TENM4: variants seen among roughly 807,000 people sequenced by gnomAD.
TENM4 encodes the protein teneurin transmembrane protein 4, also known as teneurin-4.
TENM4 carries 82 observed loss-of-function variants against 243.3 expected under a neutral mutation model. The observed-to-expected ratio is 0.34, with a 90% CI of 0.28 to 0.40. The LOEUF (loss-of-function observed/expected upper bound fraction) is 0.40. Among genes scored for constraint, TENM4 ranks in the 10% least tolerant of loss-of-function variants. The pLI is 1.00. For missense variants in TENM4, 3,138 were observed against 3,673.3 expected (o/e 0.85, Z 3.77); for synonymous variants, 1,412 against 1,456.3 (o/e 0.97, Z 0.69).
At chr11:79,012,477 C>G (rs1858671318) in intron 6 of TENM4, among the ~76,000 whole-genome samples, 1 of 152,128 alleles carries the variant, frequency 6.6e-6, no homozygotes, top group Admixed American at 6.5e-5. Flanking sequence ...ACCCTGAGCC[C>G]AGGAGAGTAC....
chr11:79,389,491 T>C (rs1858186138), intron 1 of TENM4, among the ~76,000 whole-genome samples: 1 of 152,084 alleles, frequency 6.6e-6, no homozygotes, highest in South Asian at 2.1e-4. Context: ...AGGCCCCGAG[T>C]CCCATCATCA....
At chr11:79,188,405 A>G (rs1423764011) in intron 3 of TENM4, among the ~76,000 whole-genome samples, 2 of 152,150 alleles carry the variant, frequency 1.3e-5, no homozygotes, top group African/African-American at 4.8e-5. Context: ...AAACTCACTC[A>G]CAGACTCTGC....
At position 79,094,033 on chromosome 11, in the gene TENM4, G is replaced by C. The variant is rs190067021; in HGVS notation, c.-65-24024C>G. Among the ~76,000 whole-genome samples the C allele has an allele frequency of 1.5e-3, 225 of 152,294 alleles. 1 individual carries two copies. The highest frequency in any genetic ancestry group is 2.5e-3 in the Non-Finnish European group (173 of 68,022). ...TTCAAAAGTACAATAGCCACATGTG[G>C]CTAGTGGCTACTGCATTAGAGACTG... On this transcript the variant is annotated intron_variant, in intron 4 of 33. Transcript: ENST00000278550.
chr11:78,659,848 G>T (rs1250464692), intron 33 of TENM4, among the ~76,000 whole-genome samples: 1 of 152,198 alleles, frequency 6.6e-6, no homozygotes, highest in Non-Finnish European at 1.5e-5. Context: ...AAGGCTCCAG[G>T]GCCTTATCAG....
intron 4 of TENM4, among the ~76,000 whole-genome samples, chr11:79,084,835 A>T (rs966279820): frequency 6.6e-6 from 1 of 152,322 alleles, no homozygotes; most frequent in South Asian, 2.1e-4. Flanking sequence ...ATAGTATAGA[A>T]GTAAACACGC....
intron 19 of TENM4, among the ~76,000 whole-genome samples, chr11:78,755,715 CTCTGCAGCA>C (rs1288457458): frequency 1.3e-5 from 2 of 152,192 alleles, no homozygotes; most frequent in African/African-American, 4.8e-5. Context: ...GGAGACTCCT[CTCTGCAGCA>C]TCCCGCAGAC....
At chr11:79,366,682 C>A (rs1364617313) in intron 1 of TENM4, among the ~76,000 whole-genome samples, 1 of 152,224 alleles carries the variant, frequency 6.6e-6, no homozygotes, top group Non-Finnish European at 1.5e-5. Flanking sequence ...TGGCAGTCAA[C>A]TTCCCTGTCT....
At chr11:79,366,626 T>C (rs1035276963) in intron 1 of TENM4, among the ~76,000 whole-genome samples, 11 of 152,250 alleles carry the variant, frequency 7.2e-5, no homozygotes, top group African/African-American at 2.7e-4. Flanking sequence ...CTTTGGGCAC[T>C]AACATTAGGT....
chr11:78,972,516 C>T (rs1326740123), intron 6 of TENM4, among the ~76,000 whole-genome samples: 1 of 152,174 alleles, frequency 6.6e-6, no homozygotes, highest in Non-Finnish European at 1.5e-5. Flanking sequence ...CTCTGTTTCA[C>T]CCGCCTGCCT....
At chr11:78,778,516 A>T in intron 17 of TENM4, 86 bp downstream of exon 17, 1 of 1,420,998 alleles carries the variant, frequency 7.0e-7, no homozygotes, top group South Asian at 1.3e-5. Context: ...GTGTATATAC[A>T]TTTTTATATA....
chr11:78,835,682 C>T (rs560618644), intron 12 of TENM4, among the ~76,000 whole-genome samples: 25 of 152,320 alleles, frequency 1.6e-4, no homozygotes, highest in African/African-American at 4.6e-4. Context: ...CTAGCTCTCT[C>T]TATCCAATTT....
At chr11:78,701,300 G>A (rs1473665526) in intron 28 of TENM4, among the ~76,000 whole-genome samples, 1 of 152,194 alleles carries the variant, frequency 6.6e-6, no homozygotes, top group Non-Finnish European at 1.5e-5. Flanking sequence ...CCATGGTAGA[G>A]TGGGAACTGA....
At chr11:79,290,987 C>T (rs1248506557) in intron 2 of TENM4, among the ~76,000 whole-genome samples, 1 of 152,192 alleles carries the variant, frequency 6.6e-6, no homozygotes, top group Non-Finnish European at 1.5e-5. Flanking sequence ...AGCATGCTAT[C>T]TGCCTCCTGA....
intron 15 of TENM4, 25 bp from the exon 16 acceptor site, chr11:78,787,108 A>T: frequency 3.9e-6 from 6 of 1,526,086 alleles, no homozygotes; most frequent in Non-Finnish European, 5.3e-6. Flanking sequence ...AGAAGAAGGG[A>T]GGACACCAGG....
intron 9 of TENM4, among the ~76,000 whole-genome samples, chr11:78,886,601 G>T (rs1855554380): frequency 6.6e-6 from 1 of 152,184 alleles, no homozygotes; most frequent in Non-Finnish European, 1.5e-5. Context: ...CTCAGAAAGA[G>T]AAATGACTTT....
chr11:79,091,236 G>T (rs933193552), intron 4 of TENM4, among the ~76,000 whole-genome samples: 15 of 152,160 alleles, frequency 9.9e-5, no homozygotes, highest in Non-Finnish European at 2.1e-4. Context: ...TATTTGGACT[G>T]GCCTGAATGA....
intron 2 of TENM4, among the ~76,000 whole-genome samples, chr11:79,297,085 C>A (rs1413251881): frequency 5.9e-5 from 9 of 152,206 alleles, no homozygotes; most frequent in Non-Finnish European, 1.2e-4. Flanking sequence ...GCCCAGAACG[C>A]TTGACCACAC....
intron 1 of TENM4, among the ~76,000 whole-genome samples, chr11:79,307,250 G>A (rs190753241): frequency 4.6e-5 from 7 of 152,222 alleles, no homozygotes; most frequent in Admixed American, 4.6e-4. Flanking sequence ...GTGTTGTGGT[G>A]CTTGGGCCCA....
rs1302950933 is a variant in TENM4 at position 78,890,570 on chromosome 11, C to T, written c.849-550G>A. On this transcript the variant is annotated intron_variant, in intron 8 of 33. Coordinates refer to ENST00000278550, the MANE Select transcript of TENM4 (RefSeq NM_001098816.3). ...CCAAGAAACCACCACTAAGTTATGC[C>T]ATGGCCATTAGTCCCCTAGTGGCTG... Among the ~76,000 whole-genome samples the T allele has an allele frequency of 2.0e-4, 31 of 152,158 alleles. 1 individual carries two copies. The highest frequency in any genetic ancestry group is 2.0e-3 in the Admixed American group (31 of 15,278).
Sources: gnomAD v4.1 joint callset for allele counts (sites outside exome capture counted in the v4.1 genomes callset) on GRCh38, gnomAD v4.1.1 for gene constraint, MANE v1.5 for transcripts, NCBI Gene and HGNC (gene_info 2026-07-23, HGNC 2026-07-21) for gene names.